The following COL26A1 variants were observed in gnomAD, a reference collection of about 807,000 sequenced individuals.
COL26A1 encodes the protein collagen type XXVI alpha 1 chain.
COL26A1 carries 41 observed loss-of-function variants against 59.3 expected under a neutral mutation model. The ratio of observed to expected loss-of-function variants is 0.69; its 90% CI spans 0.54 to 0.90. COL26A1 has a LOEUF of 0.90. COL26A1 is among the 40% of genes least tolerant of loss of function. The probability of loss-of-function intolerance (pLI) is 0.00; values close to 1 mark genes in which losing one functional copy is unlikely to be tolerated. For synonymous variants in COL26A1, 266 were observed against 256.0 expected (o/e 1.04, Z -0.37); for missense variants, 612 against 602.3 (o/e 1.02, Z -0.17).
rs1255226272 is a variant in COL26A1, at chr7:101,447,603, G to C, written c.282-81G>C. On this transcript the variant is annotated intron_variant, in intron 2 of 12. Transcript: ENST00000313669. ...CCCGGAGCCCTGGCTGGGCAAAACA[G>C]CCTGGCCCATCTTTGCAGCAGTGGG... 83 of 995,780 alleles carry C rather than the reference G, an allele frequency of 8.3e-5. 1 individual carries two copies. Among genetic ancestry groups the C allele is most frequent in the Non-Finnish European group, 1.4e-5 (9 of 651,104 alleles). 61.7% of individuals were successfully genotyped at this position (995,780 alleles called of 1,614,324 possible).
At chr7:101,495,434 A>G (rs1794564069) in intron 3 of COL26A1, among the ~76,000 whole-genome samples, 1 of 148,070 alleles carries the variant, frequency 6.8e-6, no homozygotes, top group African/African-American at 2.5e-5. Flanking sequence ...TTTAAGATGG[A>G]GTCTCGCTCT....
Position 101,557,534 on chromosome 7 carries a change from C to G in COL26A1, c.*4C>G, listed in dbSNP as rs1796010044. 1.9e-6 allele frequency: 3 copies of G among 1,603,626 alleles called. No homozygotes were observed. The highest frequency in any genetic ancestry group is 1.7e-4 in the Middle Eastern group (1 of 5,964). On this transcript the variant is annotated 3_prime_UTR_variant, in exon 13 of 13. Coordinates refer to ENST00000313669, the MANE Select transcript of COL26A1 (RefSeq NM_001278563.3). ...CCAGGCCAGCAGCAGGAAGTGAGAGCCCACTGCTCCAGGACACCCTGTCCT... is the reference window on the plus strand; with the variant it reads ...CCAGGCCAGCAGCAGGAAGTGAGAGGCCACTGCTCCAGGACACCCTGTCCT...
At position 101,363,190 on chromosome 7, in the gene COL26A1, G is replaced by A; in HGVS notation, c.158G>A (p.Arg53Gln). ...CCTGGCAGCGGCTACGCGAGCCGCC[G>A]GTGAGTAGCTCGGGGCCGAGGGGCC... ...GSPGSGYASR[R>Q]HWCHHTVTRT... The change falls in exon 1 of 13, where the codon CGG becomes CAG. Residue 53 changes from arginine to glutamine, a missense_variant and splice_region_variant. Coordinates refer to ENST00000313669, the MANE Select transcript of COL26A1 (RefSeq NM_001278563.3). 2 of 1,493,486 alleles carry A rather than the reference G, an allele frequency of 1.3e-6. No individual in the cohort carries two copies. Among genetic ancestry groups the A allele is most frequent in the South Asian group, 1.3e-5 (1 of 79,302 alleles). The allele number at this position is 1,493,486 out of a possible 1,614,324, so 92.5% of individuals were successfully genotyped here. A position where few individuals can be genotyped will look rare whatever the true frequency, so the allele number is the denominator to read the frequency against.
intron 1 of COL26A1, among the ~76,000 whole-genome samples, chr7:101,412,114 G>A (rs1176283191): frequency 6.6e-6 from 1 of 152,056 alleles, no homozygotes; most frequent in Non-Finnish European, 1.5e-5. Flanking sequence ...GTAGGAGGTG[G>A]AACTTGACTC....
intron 3 of COL26A1, among the ~76,000 whole-genome samples, chr7:101,461,134 C>T (rs1263720530): frequency 6.6e-6 from 1 of 152,100 alleles, no homozygotes; most frequent in African/African-American, 2.4e-5. Context: ...CCACACCACG[C>T]CCAGCAATTT....
At chr7:101,404,023 G>A (rs1423301253) in intron 1 of COL26A1, among the ~76,000 whole-genome samples, 3 of 152,178 alleles carry the variant, frequency 2.0e-5, no homozygotes, top group Admixed American at 1.3e-4. Context: ...GAACCAGGGA[G>A]GTGGATGTTG....
chr7:101,495,807 C>T (rs986495020), intron 3 of COL26A1, among the ~76,000 whole-genome samples: 1 of 151,148 alleles, frequency 6.6e-6, no homozygotes, highest in African/African-American at 2.4e-5. Flanking sequence ...AGAAACGTGG[C>T]TCAAGGCCGG....
intron 2 of COL26A1, among the ~76,000 whole-genome samples, chr7:101,443,536 C>T (rs1450799935): frequency 6.6e-6 from 1 of 152,158 alleles, no homozygotes; most frequent in African/African-American, 2.4e-5. Flanking sequence ...GATTAAGTTG[C>T]TCGATGTCAG....
intron 3 of COL26A1, among the ~76,000 whole-genome samples, chr7:101,472,350 A>G (rs1793925195): frequency 6.6e-6 from 1 of 152,202 alleles, no homozygotes; most frequent in African/African-American, 2.4e-5. Flanking sequence ...TTCTTAAGAT[A>G]TCAGGGCATC....
At chr7:101,402,971 G>A (rs766843843) in intron 1 of COL26A1, among the ~76,000 whole-genome samples, 2 of 151,704 alleles carry the variant, frequency 1.3e-5, no homozygotes, top group African/African-American at 4.8e-5. Context: ...TCAGCTTCTC[G>A]AGTAGCTGGG....
intron 3 of COL26A1, among the ~76,000 whole-genome samples, chr7:101,518,112 C>G (rs978886984): frequency 2.0e-5 from 3 of 152,220 alleles, no homozygotes; most frequent in East Asian, 3.9e-4. Flanking sequence ...CTGCACCCAG[C>G]CTGTCTTTTG....
At chr7:101,553,295 T>C (rs1309214986) in intron 10 of COL26A1, 31 bp from the exon 11 acceptor site, 1 of 1,609,930 alleles carries the variant, frequency 6.2e-7, no homozygotes, top group African/African-American at 1.3e-5. Flanking sequence ...CACCTCCCGT[T>C]CCAGTGTTGA....
intron 1 of COL26A1, among the ~76,000 whole-genome samples, chr7:101,378,500 C>T (rs957476199): frequency 1.1e-4 from 16 of 151,948 alleles, no homozygotes; most frequent in African/African-American, 3.1e-4. Flanking sequence ...CCAGTTTGGG[C>T]GACAGAGCAA....
intron 3 of COL26A1, among the ~76,000 whole-genome samples, chr7:101,486,665 G>A (rs557249476): frequency 6.6e-6 from 1 of 152,356 alleles, no homozygotes; most frequent in South Asian, 2.1e-4. Flanking sequence ...ACATCCCGGT[G>A]GAACGGAGAT....
chr7:101,417,618 A>AT (rs1792404063), intron 1 of COL26A1, among the ~76,000 whole-genome samples: 1 of 39,380 alleles, frequency 2.5e-5, no homozygotes, highest in Non-Finnish European at 1.2e-4. Flanking sequence ...CTATATATCT[A>AT]GACATAGATA....
chr7:101,451,707 CTTTT>C (rs60481013), intron 3 of COL26A1, among the ~76,000 whole-genome samples: 1 of 139,146 alleles, frequency 7.2e-6, no homozygotes. Flanking sequence ...TCATTTGCAT[CTTTT>C]TTTTTTTTTT....
At chr7:101,547,444 A>G (rs1795761781) in intron 8 of COL26A1, among the ~76,000 whole-genome samples, 1 of 152,222 alleles carries the variant, frequency 6.6e-6, no homozygotes, top group Non-Finnish European at 1.5e-5. Context: ...GACTGGATGC[A>G]TGAAACCCAC....
intron 3 of COL26A1, among the ~76,000 whole-genome samples, chr7:101,465,409 C>T (rs1584431817): frequency 6.6e-6 from 1 of 152,170 alleles, no homozygotes; most frequent in East Asian, 1.9e-4. Context: ...GCCCTGTTTC[C>T]CTCTCACACT....
chr7:101,386,684 T>C (rs1791584989), intron 1 of COL26A1, among the ~76,000 whole-genome samples: 1 of 152,182 alleles, frequency 6.6e-6, no homozygotes, highest in Non-Finnish European at 1.5e-5. Context: ...CAGCGCTGTG[T>C]TGACTTTTTG....
Sources: allele counts gnomAD v4.1 joint callset (sites outside exome capture counted in the v4.1 genomes callset), GRCh38; gene constraint gnomAD v4.1.1; transcripts MANE v1.5; gene names NCBI Gene and HGNC (gene_info 2026-07-23, HGNC 2026-07-21).